Variants in TAF6L observed in about 807,000 individuals in gnomAD.
The protein encoded by TAF6L is TATA-box binding protein associated factor 6 like.
TAF6L carries 34 observed loss-of-function variants against 57.3 expected under a neutral mutation model. The ratio of observed to expected loss-of-function variants is 0.59; its 90% CI spans 0.45 to 0.79. The LOEUF (loss-of-function observed/expected upper bound fraction) is 0.79, where lower values mean the gene tolerates loss of function less well. TAF6L is among the 30% of genes least tolerant of loss of function. The pLI, the probability that TAF6L is intolerant of heterozygous loss-of-function variation, is 0.00. For synonymous variants in TAF6L, 417 were observed against 376.3 expected, an observed-to-expected ratio of 1.11 and a Z score of -1.25; for missense variants, 782 against 853.2, an observed-to-expected ratio of 0.92 and a Z score of 1.04.
intron 6 of TAF6L, among the ~76,000 whole-genome samples, chr11:62,780,937 A>C (rs2084224550): frequency 2.3e-5 from 3 of 132,716 alleles, no homozygotes; most frequent in African/African-American, 8.9e-5. Context: ...ACTCCATCTC[A>C]AAAAAAAAAA....
At chr11:62,772,458 GGTT>G (rs1469191566) in intron 1 of TAF6L, among the ~76,000 whole-genome samples, 1 of 151,656 alleles carries the variant, frequency 6.6e-6, no homozygotes, top group Non-Finnish European at 1.5e-5. Context: ...GGGAGGCAGA[GGTT>G]GTAGTGAGCC....
chr11:62,777,019 C>A (rs745457219), intron 3 of TAF6L, among the ~76,000 whole-genome samples: 1 of 151,554 alleles, frequency 6.6e-6, no homozygotes, highest in East Asian at 1.9e-4. Context: ...TGGCGGTGGG[C>A]GCCTGTAACC....
At chr11:62,786,116 T>C in intron 9 of TAF6L, 144 bp from the exon 10 acceptor site, 7 of 991,806 alleles carry the variant, frequency 7.1e-6, no homozygotes, top group Non-Finnish European at 1.0e-5. Flanking sequence ...AATAAATATA[T>C]GGTTGAATAT....
At position 62,787,017 on chromosome 11, in the gene TAF6L, G is replaced by A; in HGVS notation, c.1590G>A (p.Ala530=). ...GGCCCTTGCCGCGCGTGCATCGGGC[G>A]CGCGGGGCACCCCGGCAGCAGGGCC... is the stretch of plus-strand genomic sequence containing the variant. ...ESRPLPRVHR[A]RGAPRQQGPG... Residue 530 remains alanine (A), a synonymous_variant, in exon 11 of 11, where the codon GCG becomes GCA. Coordinates refer to ENST00000294168, the MANE Select transcript of TAF6L (RefSeq NM_006473.4). The A allele has an allele frequency of 6.7e-7, 1 of 1,490,658 alleles. No individual in the cohort carries two copies. The highest frequency in any genetic ancestry group is 8.9e-7 in the Non-Finnish European group (1 of 1,129,422). The allele number at this position is 1,490,658 out of a possible 1,614,324, so 92.3% of individuals were successfully genotyped here. A position where few individuals can be genotyped will look rare whatever the true frequency, so the allele number is the denominator to read the frequency against.
intron 1 of TAF6L, among the ~76,000 whole-genome samples, chr11:62,772,855 T>C (rs2084159056): frequency 1.3e-5 from 2 of 151,868 alleles, no homozygotes; most frequent in South Asian, 2.1e-4. Flanking sequence ...AGAAGATCTT[T>C]TTTTTTTGTT....
chr11:62,781,679 G>T (rs980836767), intron 6 of TAF6L: 28 of 238,782 alleles, frequency 1.2e-4, no homozygotes, highest in Middle Eastern at 1.2e-3. Context: ...AAAAAAAAAA[G>T]TTGGACATTC....
intron 6 of TAF6L, among the ~76,000 whole-genome samples, chr11:62,779,968 A>ATTTTTTTT (rs1341684851): frequency 1.5e-5 from 1 of 66,636 alleles, no homozygotes; most frequent in African/African-American, 4.4e-5. Context: ...ATATATATAT[A>ATTTTTTTT]TATATATATT....
At chr11:62,772,934 G>A (rs1359278759) in intron 1 of TAF6L, among the ~76,000 whole-genome samples, 1 of 151,610 alleles carries the variant, frequency 6.6e-6, no homozygotes, top group Non-Finnish European at 1.5e-5. Context: ...CTGGAGTGCA[G>A]TGGTGCAATC....
Position 62,786,534 on chromosome 11 carries a change from G to A in TAF6L, c.1107G>A (p.Leu369=). The part of the protein sequence containing the change: ...YGAILVAVER[L]LKMKAQAAEP... ...TCTTACAGGTGGCGGTAGAGCGACT[G>A]CTGAAGATGAAGGCCCAGGCAGCAG... Residue 369 remains leucine, a synonymous_variant, in exon 11 of 11, where the codon CTG becomes CTA. Transcript: ENST00000294168. The A allele has an allele frequency of 6.4e-7, 1 of 1,552,272 alleles. No individual in the cohort carries two copies. Among genetic ancestry groups the A allele is most frequent in the Admixed American group, 1.9e-5 (1 of 52,920 alleles).
chr11:62,784,781 G>A (rs1400307043), intron 9 of TAF6L, among the ~76,000 whole-genome samples: 5 of 152,080 alleles, frequency 3.3e-5, no homozygotes, highest in East Asian at 1.9e-4. Context: ...TGGGATAGTC[G>A]TAAAGAAAAA....
At chr11:62,772,546 G>C (rs565378776) in intron 1 of TAF6L, among the ~76,000 whole-genome samples, 1 of 146,324 alleles carries the variant, frequency 6.8e-6, no homozygotes, top group African/African-American at 2.5e-5. Context: ...AAAGCTCGTC[G>C]GGCCAGGTGC....
At chr11:62,783,611 T>G (rs1287783503) in intron 9 of TAF6L, among the ~76,000 whole-genome samples, 24 of 151,090 alleles carry the variant, frequency 1.6e-4, no homozygotes, top group Admixed American at 1.6e-3. Context: ...CTCAGCTCAC[T>G]GCAACCTCTC....
At position 62,778,947 on chromosome 11, in the gene TAF6L, A is replaced by T; in HGVS notation, c.515A>T (p.Asp172Val). The T allele has an allele frequency of 6.2e-7, 1 of 1,613,478 alleles. No homozygotes were observed. Among genetic ancestry groups the T allele is most frequent in the East Asian group, 2.2e-5 (1 of 44,830 alleles). Residue 172 changes from aspartate to valine, a missense_variant, in exon 6 of 11, where the codon GAT becomes GTT. Around this residue, in one of 3 missense-constraint regions of TAF6L, gnomAD observed 220 missense variants for 252.1 expected, o/e 0.87. Transcript: ENST00000294168. ...HQVTRAVLGDDPQLMKVALQD... is the reference protein window; with the variant it reads ...HQVTRAVLGDVPQLMKVALQD... ...GTGACTCGTGCTGTGCTAGGGGATG[A>T]TCCGCAACTGATGAAGGTGAGCGAG...
At chr11:62,773,415 G>C (rs1477691604) in intron 1 of TAF6L, among the ~76,000 whole-genome samples, 1 of 151,538 alleles carries the variant, frequency 6.6e-6, no homozygotes, top group Non-Finnish European at 1.5e-5. Flanking sequence ...CAAAGTGCTG[G>C]GATTACAGAT....
intron 9 of TAF6L, among the ~76,000 whole-genome samples, chr11:62,785,376 A>G (rs1281345922): frequency 6.7e-6 from 1 of 149,496 alleles, no homozygotes; most frequent in Non-Finnish European, 1.5e-5. Flanking sequence ...TATTTTTAGT[A>G]GAGACGGGGT....
At position 62,787,087 on chromosome 11, in the gene TAF6L, C is replaced by T. The variant is rs1354873511; in HGVS notation, c.1660C>T (p.Pro554Ser). 6 of 1,538,120 alleles carry T rather than the reference C, an allele frequency of 3.9e-6. No homozygotes were observed. The highest frequency in any genetic ancestry group is 2.8e-5 in the African/African-American group (2 of 71,810). Residue 554 changes from proline (P) to serine (S), a missense_variant, in exon 11 of 11, where the codon CCG becomes TCG. Pro to Ser is a moderately conservative substitution (Grantham distance 74). Transcript: ENST00000294168. ...CGTTTTCCAGAAGAGCCGTTTCGCC[C>T]CGCGCGGCGCCCCGCACTTTCGTTT... is the stretch of plus-strand genomic sequence containing the variant. ...RDVFQKSRFAPRGAPHFRFII... is the reference protein window; with the variant it reads ...RDVFQKSRFASRGAPHFRFII...
intron 9 of TAF6L, 79 bp downstream of exon 9, chr11:62,782,904 T>G: frequency 1.3e-6 from 2 of 1,565,808 alleles, no homozygotes; most frequent in Non-Finnish European, 1.7e-6. Context: ...CATCGTTATC[T>G]CCAAAATAGT....
intron 6 of TAF6L, among the ~76,000 whole-genome samples, chr11:62,779,676 T>C (rs1371132359): frequency 1.3e-5 from 2 of 150,922 alleles, no homozygotes; most frequent in African/African-American, 4.9e-5. Context: ...TAAAAAAACA[T>C]TTTTTTTAAG....
chr11:62,783,235 C>A (rs1412796625), intron 9 of TAF6L, among the ~76,000 whole-genome samples: 1 of 152,186 alleles, frequency 6.6e-6, no homozygotes, highest in Non-Finnish European at 1.5e-5. Context: ...GTAATCCCAG[C>A]ACTTTGGGAG....
Sources: gnomAD v4.1 joint callset for allele counts (sites outside exome capture counted in the v4.1 genomes callset) on GRCh38, gnomAD v4.1.1 for gene constraint, gnomAD v4.1.1 regional missense constraint, MANE v1.5 for transcripts, NCBI Gene and HGNC (gene_info 2026-07-23, HGNC 2026-07-21) for gene names.